NCAM1: variants seen among roughly 807,000 people sequenced by gnomAD.
NCAM1 encodes the protein antigen recognized by monoclonal antibody 5.1H11.
In NCAM1, 14 loss-of-function variants were observed where a neutral mutation model predicts 109.8. That is an observed-to-expected ratio of 0.13 (90% CI 0.08 to 0.20). The LOEUF (loss-of-function observed/expected upper bound fraction) is 0.20, where lower values mean the gene tolerates loss of function less well. Among genes scored for constraint, NCAM1 ranks in the 10% least tolerant of loss-of-function variants. NCAM1 has a pLI of 1.00. For synonymous variants in NCAM1, 418 were observed against 442.9 expected (o/e 0.94, Z 0.70); for missense variants, 774 against 1,109.9 (o/e 0.70, Z 4.30).
intron 1 of NCAM1, among the ~76,000 whole-genome samples, chr11:113,127,087 C>T (rs556789004): frequency 6.6e-6 from 1 of 152,312 alleles, no homozygotes; most frequent in East Asian, 1.9e-4. Context: ...GTCTGAACAA[C>T]ACATTGTCCC....
intron 1 of NCAM1, among the ~76,000 whole-genome samples, chr11:113,199,378 T>G (rs769817950): frequency 2.6e-5 from 4 of 152,138 alleles, no homozygotes; most frequent in Non-Finnish European, 5.9e-5. Context: ...GATTTCCACT[T>G]ACTATCATTA....
At chr11:113,216,135 G>A (rs1225819341) in intron 8 of NCAM1, among the ~76,000 whole-genome samples, 2 of 149,154 alleles carry the variant, frequency 1.3e-5, no homozygotes, top group Non-Finnish European at 3.0e-5. Context: ...CTGGCTTGTA[G>A]CTATGATTTC....
In NCAM1 at chr11:112,984,762, G is replaced by A. The variant is rs370479810; in HGVS notation, c.52+23098G>A. On this transcript the variant is annotated intron_variant, in intron 1 of 19. Coordinates refer to ENST00000316851, the MANE Select transcript of NCAM1 (RefSeq NM_181351.5). ...ATTGGTTTATTCATTTTTTTTTGCT[G>A]TTCAGTTTGTGTGTTCCTTATATAT... 4.0e-5 allele frequency among the ~76,000 whole-genome samples: 6 copies of A among 151,000 alleles called. No individual in the cohort carries two copies. The East Asian group carries it at 5.8e-4, about 15-fold the overall frequency.
intron 6 of NCAM1, 21 bp from the exon 7 acceptor site, chr11:113,207,812 T>C: frequency 6.3e-7 from 1 of 1,598,150 alleles, no homozygotes; most frequent in Non-Finnish European, 8.5e-7. Flanking sequence ...TCATGCTACT[T>C]TGCATTTCTA....
Position 113,145,601 on chromosome 11 carries a change from C to T in NCAM1, c.53-56778C>T, listed in dbSNP as rs146410268. Among the ~76,000 whole-genome samples, 202 of 152,252 alleles carry T rather than the reference C, an allele frequency of 1.3e-3. 1 individual carries two copies. The highest frequency in any genetic ancestry group is 4.3e-3 in the African/African-American group (180 of 41,548). ...TCTTCTTTTTAAACACCTGTCTATCCGTAGTCTTCTTCATTGCTATACAAT... is the reference window on the plus strand; with the variant it reads ...TCTTCTTTTTAAACACCTGTCTATCTGTAGTCTTCTTCATTGCTATACAAT... On this transcript the variant is annotated intron_variant, in intron 1 of 19. Transcript: ENST00000316851.
At chr11:113,248,977 A>G (rs1390477773) in intron 15 of NCAM1, among the ~76,000 whole-genome samples, 2 of 152,176 alleles carry the variant, frequency 1.3e-5, no homozygotes, top group African/African-American at 4.8e-5. Flanking sequence ...GGCTTTGTCC[A>G]CCAGCTACTG....
At chr11:113,135,131 A>G (rs1941551853) in intron 1 of NCAM1, among the ~76,000 whole-genome samples, 1 of 152,086 alleles carries the variant, frequency 6.6e-6, no homozygotes, top group Non-Finnish European at 1.5e-5. Context: ...TAAGGAGGTG[A>G]GTGGGTAGGG....
In NCAM1 at chr11:113,256,816, G is replaced by A. The variant is rs925887882; in HGVS notation, c.1953+815G>A. Among the ~76,000 whole-genome samples, 6 of 152,322 alleles carry A rather than the reference G, an allele frequency of 3.9e-5. No homozygotes were observed. The East Asian group carries it at 1.2e-3, about 29-fold the overall frequency. On this transcript the variant is annotated intron_variant, in intron 16 of 19. Transcript: ENST00000316851. ...ATAACCAATGGCTGAGAGATTTAGAGGCCACATCTGAGCACTGAGAATAAC... is the reference window on the plus strand; with the variant it reads ...ATAACCAATGGCTGAGAGATTTAGAAGCCACATCTGAGCACTGAGAATAAC...
chr11:113,089,613 T>C (rs1939249627), intron 1 of NCAM1, among the ~76,000 whole-genome samples: 1 of 152,118 alleles, frequency 6.6e-6, no homozygotes, highest in Non-Finnish European at 1.5e-5. Flanking sequence ...GAATTTTCTC[T>C]CTTTCCTGAC....
intron 1 of NCAM1, among the ~76,000 whole-genome samples, chr11:113,158,639 CCTT>C (rs1307821222): frequency 2.0e-5 from 3 of 152,160 alleles, no homozygotes; most frequent in Non-Finnish European, 4.4e-5. Context: ...AAAACTATCT[CCTT>C]AAGTTGTGGT....
chr11:112,991,910 A>G (rs1951466792), intron 1 of NCAM1, among the ~76,000 whole-genome samples: 1 of 152,218 alleles, frequency 6.6e-6, no homozygotes, highest in African/African-American at 2.4e-5. Flanking sequence ...CATTTATAAA[A>G]GTTTTAAAGG....
chr11:113,138,700 A>C (rs189310174), intron 1 of NCAM1, among the ~76,000 whole-genome samples: 3 of 152,244 alleles, frequency 2.0e-5, no homozygotes. Context: ...AATCTTGCTG[A>C]TTGTACAACG....
intron 1 of NCAM1, among the ~76,000 whole-genome samples, chr11:113,167,583 A>C (rs1022574954): frequency 3.3e-5 from 5 of 150,630 alleles, no homozygotes; most frequent in Non-Finnish European, 5.9e-5. Context: ...AGCATTCAGC[A>C]GTCACTCAAA....
intron 16 of NCAM1, among the ~76,000 whole-genome samples, chr11:113,257,599 G>A (rs1280501242): frequency 1.3e-5 from 2 of 152,212 alleles, no homozygotes; most frequent in Non-Finnish European, 2.9e-5. Context: ...CACTGTGGCT[G>A]CAGCAGGCAG....
In NCAM1 at chr11:113,259,110, G is replaced by A. The variant is rs964867441; in HGVS notation, c.1954-1036G>A. Among the ~76,000 whole-genome samples, 4 of 147,862 alleles carry A rather than the reference G, an allele frequency of 2.7e-5. 1 individual carries two copies. The South Asian group carries it at 8.6e-4, about 32-fold the overall frequency. On this transcript the variant is annotated intron_variant, in intron 16 of 19. Coordinates refer to ENST00000316851, the MANE Select transcript of NCAM1 (RefSeq NM_181351.5). ...TCTGTCGCCCAGGCTGGAGTGCAGTGGCGGGATCTCGGCTCGCTGCAAGCT... is the reference window on the plus strand; with the variant it reads ...TCTGTCGCCCAGGCTGGAGTGCAGTAGCGGGATCTCGGCTCGCTGCAAGCT...
intron 14 of NCAM1, among the ~76,000 whole-genome samples, chr11:113,238,070 A>G (rs1197045428): frequency 2.0e-5 from 3 of 151,882 alleles, no homozygotes; most frequent in Non-Finnish European, 4.4e-5. Context: ...ATTTTTAACT[A>G]CAAAAAAGAG....
intron 1 of NCAM1, among the ~76,000 whole-genome samples, chr11:113,071,841 T>C (rs1555085332): frequency 6.6e-6 from 1 of 152,118 alleles, no homozygotes; most frequent in African/African-American, 2.4e-5. Context: ...CTTGGGAACT[T>C]AAAAAGAACC....
intron 14 of NCAM1, among the ~76,000 whole-genome samples, chr11:113,244,756 A>G (rs1378144520): frequency 1.3e-5 from 2 of 152,150 alleles, no homozygotes; most frequent in Non-Finnish European, 2.9e-5. Flanking sequence ...GCTTAGTTGT[A>G]TATAATCCCT....
chr11:113,194,330 G>A (rs1366486200), intron 1 of NCAM1, among the ~76,000 whole-genome samples: 1 of 152,144 alleles, frequency 6.6e-6, no homozygotes, highest in East Asian at 1.9e-4. Context: ...GAATTCTAAA[G>A]CCATATTCAC....
Sources: allele counts gnomAD v4.1 joint callset (sites outside exome capture counted in the v4.1 genomes callset), GRCh38; gene constraint gnomAD v4.1.1; transcripts MANE v1.5; gene names NCBI Gene and HGNC (gene_info 2026-07-23, HGNC 2026-07-21).